FOXP2: variants seen among roughly 807,000 people sequenced by gnomAD.
FOXP2 encodes the protein forkhead box protein P2.
In FOXP2, 12 loss-of-function variants were observed where a neutral mutation model predicts 115.8. The ratio of observed to expected loss-of-function variants is 0.10; its 90% CI spans 0.07 to 0.17. FOXP2 has a LOEUF of 0.17. Ranked by LOEUF, FOXP2 falls within the 10% of genes least tolerant of loss-of-function variation. FOXP2 has a pLI of 1.00. For synonymous variants in FOXP2, 328 were observed against 297.7 expected (o/e 1.10, Z -1.05); for missense variants, 629 against 843.5 (o/e 0.75, Z 3.15).
rs931989402 is a variant in FOXP2, at chr7:114,189,003, A to C, written c.-102+25915A>C. 2.1e-4 allele frequency among the ~76,000 whole-genome samples: 32 copies of C among 152,182 alleles called. 1 individual carries two copies. The highest frequency in any genetic ancestry group is 2.1e-3 in the Admixed American group (32 of 15,274). On this transcript the variant is annotated intron_variant, in intron 1 of 17. Coordinates refer to the FOXP2 transcript ENST00000634411. ...TTCATGAGCTACAGTTGAATGCTTT[A>C]ATCTCCTCAGTTATTCAGAAATGAA...
At chr7:114,190,487 T>G (rs1382193169) in intron 1 of FOXP2, among the ~76,000 whole-genome samples, 1 of 152,190 alleles carries the variant, frequency 6.6e-6, no homozygotes, top group African/African-American at 2.4e-5. Context: ...CTCCCCGTCT[T>G]AGGCCTTTTG....
At chr7:114,385,156 A>G (rs1792413659) in intron 2 of FOXP2, among the ~76,000 whole-genome samples, 1 of 151,814 alleles carries the variant, frequency 6.6e-6, no homozygotes, top group South Asian at 2.1e-4. Flanking sequence ...AGAGCTGTAT[A>G]CCTAAATCGG....
At position 114,393,964 on chromosome 7, in the gene FOXP2, A is replaced by ATG. The variant is rs930555829; in HGVS notation, c.-10-32525_-10-32524dup. Among the ~76,000 whole-genome samples the ATG allele has an allele frequency of 6.5e-5, 9 of 137,582 alleles. No homozygotes were observed. The South Asian group carries it at 7.8e-4, about 12-fold the overall frequency. 90.3% of individuals were successfully genotyped at this position (137,582 alleles called of 152,430 possible). A position where few individuals can be genotyped will look rare whatever the true frequency, so the allele number is the denominator to read the frequency against. On this transcript the variant is annotated intron_variant, in intron 2 of 17. Coordinates refer to the FOXP2 transcript ENST00000634411. ...GATGTAAATATATGTGTCAGTGTGC[A>ATG]TGTGTGTGTGTGTGAGAGTGTGTGT... is the stretch of plus-strand genomic sequence containing the variant.
At chr7:114,214,670 C>T (rs886364609) in intron 1 of FOXP2, among the ~76,000 whole-genome samples, 1 of 152,136 alleles carries the variant, frequency 6.6e-6, no homozygotes, top group African/African-American at 2.4e-5. Flanking sequence ...CCTACCTCTG[C>T]TGGGGTCGTT....
chr7:114,348,487 G>A (rs2129185301), intron 2 of FOXP2, among the ~76,000 whole-genome samples: 1 of 151,808 alleles, frequency 6.6e-6, no homozygotes, highest in East Asian at 1.9e-4. Flanking sequence ...CAAGAATGAT[G>A]GTATTCTTAT....
Position 114,663,494 on chromosome 7 carries a change from G to T in FOXP2, c.1814G>T (p.Gly605Val). ...VKNIPTSLGY[G>V]AALNASLQAA... ...AATATACCTACCAGTTTAGGCTATG[G>T]AGCAGCTCTTAATGCCAGTTTGCAG... The change falls in exon 15 of 17, where the codon GGA becomes GTA. Residue 605 changes from glycine (G) to valine (V), a missense_variant. Physicochemically the swap from Gly to Val is moderately radical, Grantham distance 109. Coordinates refer to ENST00000350908, the MANE Select transcript of FOXP2 (RefSeq NM_014491.4). 1 of 1,611,334 alleles carries T rather than the reference G, an allele frequency of 6.2e-7. No homozygotes were observed. The highest frequency in any genetic ancestry group is 8.5e-7 in the Non-Finnish European group (1 of 1,179,030).
chr7:114,532,775 C>A (rs1452101256), intron 2 of FOXP2, among the ~76,000 whole-genome samples: 3 of 151,390 alleles, frequency 2.0e-5, no homozygotes, highest in Non-Finnish European at 4.4e-5. Context: ...GAAAAAAAAA[C>A]TACATGAAAA....
intron 2 of FOXP2, chr7:114,366,679 T>C (rs1373764430): frequency 6.6e-6 from 1 of 152,156 alleles, no homozygotes; most frequent in East Asian, 1.9e-4. Flanking sequence ...TCAGCAGCAA[T>C]AGTTATACAT....
At chr7:114,285,970 T>C (rs1036887680) in intron 1 of FOXP2, among the ~76,000 whole-genome samples, 2 of 152,060 alleles carry the variant, frequency 1.3e-5, no homozygotes, top group Non-Finnish European at 2.9e-5. Context: ...TCTTATCATT[T>C]ATGCTTTTTA....
chr7:114,406,917 G>A (rs1333378262), intron 2 of FOXP2, among the ~76,000 whole-genome samples: 2 of 151,966 alleles, frequency 1.3e-5, no homozygotes, highest in Non-Finnish European at 2.9e-5. Context: ...AAAATTAGAA[G>A]TAAAGTTGGA....
chr7:114,177,054 A>G (rs1793335519), intron 1 of FOXP2, among the ~76,000 whole-genome samples: 1 of 152,142 alleles, frequency 6.6e-6, no homozygotes, highest in Non-Finnish European at 1.5e-5. Context: ...GCTATCCATA[A>G]TCACATGAAT....
At chr7:114,208,661 C>A (rs1794262102) in intron 1 of FOXP2, among the ~76,000 whole-genome samples, 1 of 151,818 alleles carries the variant, frequency 6.6e-6, no homozygotes, top group African/African-American at 2.4e-5. Context: ...TGGGAGGGAC[C>A]TGGTGGGAGG....
At chr7:114,223,874 GTTAGAATTTTTTTGTTTTCTAC>G (rs1241549442) in intron 1 of FOXP2, among the ~76,000 whole-genome samples, 7 of 151,346 alleles carry the variant, frequency 4.6e-5, no homozygotes. Flanking sequence ...TTTTTTTATG[GTTAGAATTTTTTTGTTTTCTAC>G]TTAGGAAAAT....
intron 1 of FOXP2, among the ~76,000 whole-genome samples, chr7:114,254,348 A>G (rs1795540710): frequency 6.6e-6 from 1 of 152,146 alleles, no homozygotes; most frequent in Non-Finnish European, 1.5e-5. Context: ...CTGCCATGCT[A>G]GGTTGGGGAA....
chr7:114,582,020 G>GA (rs1266957471), intron 3 of FOXP2, among the ~76,000 whole-genome samples: 1 of 152,148 alleles, frequency 6.6e-6, no homozygotes, highest in Non-Finnish European at 1.5e-5. Context: ...TGCTAAAGGG[G>GA]AAAATGATAG....
chr7:114,363,132 T>A (rs935376497), intron 2 of FOXP2, among the ~76,000 whole-genome samples: 1 of 152,106 alleles, frequency 6.6e-6, no homozygotes, highest in East Asian at 1.9e-4. Context: ...GTAATAGAGA[T>A]TCACCCATTC....
chr7:114,243,282 A>C (rs532274005), intron 1 of FOXP2, among the ~76,000 whole-genome samples: 1 of 151,570 alleles, frequency 6.6e-6, no homozygotes, highest in East Asian at 1.9e-4. Flanking sequence ...AAAAAAAACA[A>C]GAACAAAGGT....
At chr7:114,678,744 C>T (rs1281831834) in intron 16 of FOXP2, among the ~76,000 whole-genome samples, 1 of 151,976 alleles carries the variant, frequency 6.6e-6, no homozygotes, top group Non-Finnish European at 1.5e-5. Context: ...ACCTTAATCA[C>T]AGAGAAGACT....
At chr7:114,649,846 T>C (rs954771224) in intron 8 of FOXP2, among the ~76,000 whole-genome samples, 1 of 152,106 alleles carries the variant, frequency 6.6e-6, no homozygotes, top group African/African-American at 2.4e-5. Flanking sequence ...GGCTGCAAGC[T>C]AGCCTATAAT....
Sources: gnomAD v4.1 joint callset for allele counts (sites outside exome capture counted in the v4.1 genomes callset) on GRCh38, gnomAD v4.1.1 for gene constraint, MANE v1.5 for transcripts, NCBI Gene and HGNC (gene_info 2026-07-23, HGNC 2026-07-21) for gene names.